The following PIGU variants were observed in gnomAD, a reference collection of about 807,000 sequenced individuals.
PIGU encodes the protein phosphatidylinositol glycan anchor biosynthesis class U.
In PIGU, 24 loss-of-function variants were observed where a neutral mutation model predicts 49.9. The observed-to-expected ratio is 0.48, with a 90% confidence interval of 0.35 to 0.68. The LOEUF is 0.68. Among genes scored for constraint, PIGU ranks in the 30% least tolerant of loss-of-function variants. The probability of loss-of-function intolerance (pLI) is 0.01; values close to 1 mark genes in which losing one functional copy is unlikely to be tolerated. For missense variants in PIGU, 490 were observed against 532.6 expected (o/e 0.92, Z 0.79); for synonymous variants, 220 against 205.7 (o/e 1.07, Z -0.59).
At chr20:34,664,822 C>T (rs920957522) in intron 1 of PIGU, among the ~76,000 whole-genome samples, 2 of 151,968 alleles carry the variant, frequency 1.3e-5, no homozygotes, top group Admixed American at 6.6e-5. Flanking sequence ...AACCCTGTCT[C>T]TACCAAAAAT....
At chr20:34,640,537 C>CACACACA (rs1555801709) in intron 4 of PIGU, among the ~76,000 whole-genome samples, 28 of 35,360 alleles carry the variant, frequency 7.9e-4, no homozygotes, top group South Asian at 3.1e-3. Context: ...ACACACACAC[C>CACACACA]CCTTAAGAAA....
At chr20:34,592,859 T>C (rs1984048589) in intron 7 of PIGU, among the ~76,000 whole-genome samples, 1 of 152,114 alleles carries the variant, frequency 6.6e-6, no homozygotes, top group African/African-American at 2.4e-5. Context: ...TTGATGTGTC[T>C]TGTCTGTAAC....
At chr20:34,577,746 A>G (rs909684251) in intron 10 of PIGU, among the ~76,000 whole-genome samples, 5 of 152,158 alleles carry the variant, frequency 3.3e-5, no homozygotes, top group African/African-American at 1.2e-4. Flanking sequence ...CAAACAAAAC[A>G]AAATGAAATC....
In PIGU at chr20:34,593,707, A is replaced by G. The variant is rs1984085324; in HGVS notation, c.628-5100T>C. 2.0e-5 allele frequency among the ~76,000 whole-genome samples: 3 copies of G among 152,254 alleles called. No homozygotes were observed. The South Asian group carries it at 6.2e-4, about 31-fold the overall frequency. On this transcript the variant is annotated intron_variant, in intron 7 of 11. Transcript: ENST00000217446. ...AGACCTATCTCTCACACCATTCACAAGAATAAACTCCAAATAGCTTAGGGA... is the reference window on the plus strand; with the variant it reads ...AGACCTATCTCTCACACCATTCACAGGAATAAACTCCAAATAGCTTAGGGA...
At chr20:34,676,851 T>C (rs1205007213) in intron 1 of PIGU, 105 bp downstream of exon 1, 40 of 1,446,874 alleles carry the variant, frequency 2.8e-5, no homozygotes, top group Non-Finnish European at 3.5e-5. Context: ...AGTCAGTTAG[T>C]TCTCTAGGAA....
rs547122522 is a variant in PIGU, at chr20:34,633,559, C to CA, written c.529+1055dup. 2.2e-3 allele frequency among the ~76,000 whole-genome samples: 341 copies of CA among 151,812 alleles called. 1 individual carries two copies. Among genetic ancestry groups the CA allele is most frequent in the African/African-American group, 7.6e-3 (315 of 41,356 alleles). The stretch of plus-strand genomic sequence containing the variant: ...AAAGGGGAAAAGGGGATATTGGTAC[C>CA]AAAGAGCTAAATTTTTTTTTTTTTT... On this transcript the variant is annotated intron_variant, in intron 6 of 11. Transcript: ENST00000217446.
intron 1 of PIGU, among the ~76,000 whole-genome samples, chr20:34,672,151 G>A (rs894463292): frequency 6.6e-6 from 1 of 151,980 alleles, no homozygotes; most frequent in Non-Finnish European, 1.5e-5. Flanking sequence ...ATGTTGCCCA[G>A]GCTGGTCTCA....
chr20:34,590,850 G>A (rs567150841), intron 7 of PIGU, among the ~76,000 whole-genome samples: 19 of 151,750 alleles, frequency 1.3e-4, no homozygotes, highest in African/African-American at 3.6e-4. Context: ...GTGAAACCCC[G>A]TCTCTACTAA....
rs370743430 is a variant in PIGU at position 34,577,797 on chromosome 20, G to C, written c.1052-2551C>G. Among the ~76,000 whole-genome samples, 10 of 152,274 alleles carry C rather than the reference G, an allele frequency of 6.6e-5. No individual in the cohort carries two copies. The East Asian group carries it at 1.7e-3, about 26-fold the overall frequency. ...AGACTAGTCAAAGTCTCTAGGGTGG[G>C]GTTCAGGCATCCATATGAGGTTTTA... On this transcript the variant is annotated intron_variant, in intron 10 of 11. Transcript: ENST00000217446.
In PIGU at chr20:34,588,524, T is replaced by A; in HGVS notation, c.711A>T (p.Leu237=). 6.2e-7 allele frequency: 1 copy of A among 1,613,780 alleles called. No homozygotes were observed. Residue 237 remains leucine (L), a synonymous_variant, in exon 8 of 12, where the codon CTA becomes CTT. Coordinates refer to ENST00000217446, the MANE Select transcript of PIGU (RefSeq NM_080476.5). ...AGAAGGAGAGGCAAATGATTACCAC[T>A]AGGCTTCCCACATACATCATGGCAT... is the stretch of plus-strand genomic sequence containing the variant. ...WEYAMMYVGS[L]VVIICLSFFL...
intron 7 of PIGU, among the ~76,000 whole-genome samples, chr20:34,592,513 G>T (rs1984035622): frequency 6.6e-6 from 1 of 150,944 alleles, no homozygotes; most frequent in Non-Finnish European, 1.5e-5. Context: ...AGATGTATCA[G>T]GGAGGAGAAA....
At chr20:34,639,354 T>C (rs1986075547) in intron 4 of PIGU, among the ~76,000 whole-genome samples, 2 of 152,094 alleles carry the variant, frequency 1.3e-5, no homozygotes, top group African/African-American at 4.8e-5. Context: ...TGAGCCGAGA[T>C]TATACCACCG....
At chr20:34,674,959 AAAAAAG>A (rs1200751951) in intron 1 of PIGU, among the ~76,000 whole-genome samples, 2 of 150,902 alleles carry the variant, frequency 1.3e-5, no homozygotes, top group African/African-American at 4.9e-5. Context: ...AAAAAAAAAA[AAAAAAG>A]AGGCCAGGCA....
intron 1 of PIGU, among the ~76,000 whole-genome samples, chr20:34,666,248 T>C (rs979250285): frequency 1.3e-5 from 2 of 151,982 alleles, no homozygotes; most frequent in African/African-American, 2.4e-5. Flanking sequence ...ACAAAGTGCC[T>C]ATTAGGGGGA....
At chr20:34,658,386 C>G (rs999480269) in intron 1 of PIGU, among the ~76,000 whole-genome samples, 2 of 152,162 alleles carry the variant, frequency 1.3e-5, no homozygotes, top group African/African-American at 4.8e-5. Context: ...CCCAAAGTGC[C>G]GAGATTGCAG....
intron 8 of PIGU, among the ~76,000 whole-genome samples, 190 bp downstream of exon 8, chr20:34,588,262 GA>G (rs1327890395): frequency 6.6e-6 from 1 of 151,780 alleles, no homozygotes; most frequent in Non-Finnish European, 1.5e-5. Flanking sequence ...AAAAAAAAAA[GA>G]AAAAAATCCT....
intron 7 of PIGU, among the ~76,000 whole-genome samples, chr20:34,604,088 G>C (rs1984528634): frequency 6.6e-6 from 1 of 152,116 alleles, no homozygotes; most frequent in African/African-American, 2.4e-5. Flanking sequence ...TCAAACACCA[G>C]GGTCAAATGA....
intron 7 of PIGU, among the ~76,000 whole-genome samples, chr20:34,605,678 A>G (rs721612): frequency 6.6e-6 from 1 of 152,204 alleles, no homozygotes; most frequent in Non-Finnish European, 1.5e-5. Flanking sequence ...TAAGTGTCCA[A>G]ATGAAGACAT....
At chr20:34,589,701 G>T (rs747391197) in intron 7 of PIGU, among the ~76,000 whole-genome samples, 12 of 132,068 alleles carry the variant, frequency 9.1e-5, no homozygotes, top group Non-Finnish European at 1.5e-4. Flanking sequence ...CGTTGCCCTG[G>T]CTGGAGTGCT....
Sources: gnomAD v4.1 joint callset for allele counts (sites outside exome capture counted in the v4.1 genomes callset) on GRCh38, gnomAD v4.1.1 for gene constraint, MANE v1.5 for transcripts, NCBI Gene and HGNC (gene_info 2026-07-23, HGNC 2026-07-21) for gene names.